DPP6: variants seen among roughly 807,000 people sequenced by gnomAD.
DPP6 encodes dipeptidyl peptidase like 6, also known as A-type potassium channel modulatory protein DPP6.
A neutral mutation model predicts 122.6 loss-of-function variants in DPP6; 69 were observed. That is an observed-to-expected ratio of 0.56 (90% CI 0.46 to 0.69). The LOEUF is 0.69. Ranked by LOEUF, DPP6 falls within the 30% of genes least tolerant of loss-of-function variation. DPP6 has a pLI of 0.00. For synonymous variants in DPP6, 418 were observed against 433.1 expected (o/e 0.97, Z 0.43); for missense variants, 928 against 1,116.9 (o/e 0.83, Z 2.41).
intron 1 of DPP6, among the ~76,000 whole-genome samples, chr7:154,329,321 C>T (rs760226031): frequency 1.3e-5 from 2 of 152,220 alleles, no homozygotes; most frequent in Non-Finnish European, 2.9e-5. Context: ...ATGTTGCTGT[C>T]GCAGTCTTAA....
At chr7:154,827,257 A>C (rs1444785333) in intron 16 of DPP6, among the ~76,000 whole-genome samples, 1 of 150,858 alleles carries the variant, frequency 6.6e-6, no homozygotes, top group Non-Finnish European at 1.5e-5. Context: ...TGAACATCTC[A>C]ATCAGCTCTT....
intron 5 of DPP6, among the ~76,000 whole-genome samples, 193 bp downstream of exon 5, chr7:154,567,109 G>GA (rs1166489000): frequency 6.6e-6 from 1 of 152,188 alleles, no homozygotes; most frequent in Admixed American, 6.5e-5. Flanking sequence ...CTTGGCAGGG[G>GA]AAAAAAGTCA....
chr7:153,783,735 T>A, the DPP6 span, among the ~76,000 whole-genome samples: 8 of 152,344 alleles, frequency 5.3e-5, no homozygotes, highest in East Asian at 1.5e-3. Context: ...ACTGTCACTA[T>A]TGACTAAAAC....
chr7:153,918,427 A>AACACACAC (rs5888535), intron 1 of DPP6, among the ~76,000 whole-genome samples: 112 of 110,880 alleles, frequency 1.0e-3, no homozygotes, highest in African/African-American at 3.9e-3. Flanking sequence ...AGTTAATTAA[A>AACACACAC]ACACACACAC....
chr7:154,167,592 T>C (rs1405287020), intron 1 of DPP6, among the ~76,000 whole-genome samples: 2 of 152,230 alleles, frequency 1.3e-5, no homozygotes, highest in African/African-American at 2.4e-5. Context: ...TTGGTTGGGA[T>C]CCACTGCTTC....
intron 3 of DPP6, among the ~76,000 whole-genome samples, chr7:154,506,172 C>T (rs1263931822): frequency 1.3e-5 from 2 of 151,900 alleles, no homozygotes; most frequent in African/African-American, 4.8e-5. Flanking sequence ...TTTTGGAGAT[C>T]TTAACTCTGC....
At chr7:154,103,994 G>A (rs1461751457) in intron 1 of DPP6, among the ~76,000 whole-genome samples, 2 of 152,150 alleles carry the variant, frequency 1.3e-5, no homozygotes, top group African/African-American at 4.8e-5. Flanking sequence ...GCCTATGGTG[G>A]GACTTCACGT....
intron 21 of DPP6, chr7:154,883,811 G>A (rs1280396572): frequency 8.5e-6 from 1 of 117,464 alleles, no homozygotes; most frequent in Non-Finnish European, 1.8e-5. Flanking sequence ...ACGCACACAT[G>A]CTCACACAAT....
At chr7:154,152,923 G>A (rs944331915) in intron 1 of DPP6, among the ~76,000 whole-genome samples, 6 of 152,214 alleles carry the variant, frequency 3.9e-5, no homozygotes, top group African/African-American at 1.2e-4. Flanking sequence ...TCCCTGTTAC[G>A]TACATAATTA....
At chr7:154,260,532 A>T (rs539754431) in intron 1 of DPP6, among the ~76,000 whole-genome samples, 1 of 151,812 alleles carries the variant, frequency 6.6e-6, no homozygotes, top group South Asian at 2.1e-4. Context: ...GCTCCCATTT[A>T]TGAGTGAGAA....
intron 16 of DPP6, 69 bp downstream of exon 16, chr7:154,807,181 A>C: frequency 6.4e-6 from 10 of 1,566,174 alleles, no homozygotes; most frequent in South Asian, 2.3e-5. Context: ...GGGTGGGCAC[A>C]CTTGCAGGGA....
intron 1 of DPP6, among the ~76,000 whole-genome samples, chr7:154,071,728 T>C (rs1428889017): frequency 6.6e-6 from 1 of 152,234 alleles, no homozygotes; most frequent in Non-Finnish European, 1.5e-5. Flanking sequence ...TGGATCCTGT[T>C]TGTGCCCGTA....
At chr7:154,430,714 GC>G (rs1289134493) in intron 1 of DPP6, among the ~76,000 whole-genome samples, 1 of 152,124 alleles carries the variant, frequency 6.6e-6, no homozygotes, top group Non-Finnish European at 1.5e-5. Context: ...TGTGTTGACT[GC>G]CCACTCTGTG....
At chr7:154,195,853 T>C (rs1017795883) in intron 1 of DPP6, among the ~76,000 whole-genome samples, 2 of 152,300 alleles carry the variant, frequency 1.3e-5, no homozygotes, top group African/African-American at 4.8e-5. Context: ...CTCCCTGCCA[T>C]CTTCCAGCAG....
chr7:154,208,284 C>T (rs1799558398), intron 1 of DPP6, among the ~76,000 whole-genome samples: 1 of 152,166 alleles, frequency 6.6e-6, no homozygotes, highest in Non-Finnish European at 1.5e-5. Flanking sequence ...AAAATTATGA[C>T]TAGGTAAGAG....
At chr7:154,541,203 C>A (rs1227050627) in intron 4 of DPP6, among the ~76,000 whole-genome samples, 1 of 152,102 alleles carries the variant, frequency 6.6e-6, no homozygotes, top group Non-Finnish European at 1.5e-5. Flanking sequence ...AATCATGGCT[C>A]ATTTGCAGCC....
chr7:154,404,302 G>C (rs996523989), intron 1 of DPP6, among the ~76,000 whole-genome samples: 1 of 152,178 alleles, frequency 6.6e-6, no homozygotes, highest in Admixed American at 6.5e-5. Flanking sequence ...TAAGAATAAT[G>C]ATCAGAAGCT....
At chr7:153,946,112 G>C (rs1477616968) in intron 1 of DPP6, among the ~76,000 whole-genome samples, 1 of 152,142 alleles carries the variant, frequency 6.6e-6, no homozygotes, top group Non-Finnish European at 1.5e-5. Context: ...TACTGGAAAG[G>C]GGTCCAGTCC....
chr7:154,488,863 C>G (rs764963326), intron 3 of DPP6, among the ~76,000 whole-genome samples: 14 of 152,200 alleles, frequency 9.2e-5, no homozygotes, highest in Non-Finnish European at 1.5e-4. Flanking sequence ...CATCCTCCAT[C>G]CTGTGCATCA....
Sources: gnomAD v4.1 joint callset for allele counts (sites outside exome capture counted in the v4.1 genomes callset) on GRCh38, gnomAD v4.1.1 for gene constraint, MANE v1.5 for transcripts, NCBI Gene and HGNC (gene_info 2026-07-23, HGNC 2026-07-21) for gene names.